The following C1QTNF7 variants were observed in gnomAD, a reference collection of about 807,000 sequenced individuals.
C1QTNF7 encodes C1q and TNF related 7.
In C1QTNF7, 15 loss-of-function variants were observed where a neutral mutation model predicts 19.6. The ratio of observed to expected loss-of-function variants is 0.76; its 90% CI spans 0.51 to 1.18. C1QTNF7 has a LOEUF of 1.18. Among genes scored for constraint, C1QTNF7 ranks in the 50% most tolerant of loss-of-function variants. The probability of loss-of-function intolerance (pLI) is 0.00; values close to 1 mark genes in which losing one functional copy is unlikely to be tolerated. For synonymous variants in C1QTNF7, 142 were observed against 137.5 expected (o/e 1.03, Z -0.23); for missense variants, 324 against 359.7 (o/e 0.90, Z 0.80).
intron 2 of C1QTNF7, among the ~76,000 whole-genome samples, chr4:15,439,071 C>A (rs1712645498): frequency 6.6e-6 from 1 of 152,158 alleles, no homozygotes. Flanking sequence ...TAAACATAGA[C>A]TAACTCTTAC....
At position 15,350,356 on chromosome 4, in the gene C1QTNF7, G is replaced by A. The variant is rs115415937; in HGVS notation, c.13+10149G>A. 2.0e-3 allele frequency among the ~76,000 whole-genome samples: 161 copies of A among 80,772 alleles called. 8 individuals carry two copies. Among genetic ancestry groups the A allele is most frequent in the African/African-American group, 8.9e-3 (152 of 17,036 alleles). 53.0% of individuals were successfully genotyped at this position (80,772 alleles called of 152,430 possible). Reference sequence around the variant, plus strand: ...GAAAGGAGGGAGGGAGGGAGGGAGGGAGGAAGGAAAAAAGAATTCTGAATT... The same window carrying A: ...GAAAGGAGGGAGGGAGGGAGGGAGGAAGGAAGGAAAAAAGAATTCTGAATT... On this transcript the variant is annotated intron_variant, in intron 1 of 2. Transcript: ENST00000295297.
At chr4:15,344,227 C>T (rs1716639967) in intron 1 of C1QTNF7, among the ~76,000 whole-genome samples, 1 of 152,190 alleles carries the variant, frequency 6.6e-6, no homozygotes. Context: ...CCTTGAATGC[C>T]AAACCACAAA....
intron 1 of C1QTNF7, among the ~76,000 whole-genome samples, chr4:15,417,422 ACTATGTTAGT>A (rs1241768733): frequency 6.6e-6 from 1 of 152,238 alleles, no homozygotes; most frequent in African/African-American, 2.4e-5. Context: ...GAAACATGTG[ACTATGTTAGT>A]CTATTCTTGC....
At chr4:15,405,398 C>T (rs1213590676) in intron 1 of C1QTNF7, among the ~76,000 whole-genome samples, 1 of 152,176 alleles carries the variant, frequency 6.6e-6, no homozygotes, top group East Asian at 1.9e-4. Context: ...GCCTTATCAG[C>T]AAGACTCCTG....
intron 1 of C1QTNF7, among the ~76,000 whole-genome samples, chr4:15,409,282 T>C (rs1719316441): frequency 6.6e-6 from 1 of 152,240 alleles, no homozygotes; most frequent in Non-Finnish European, 1.5e-5. Flanking sequence ...CACTGTATCA[T>C]GGTAGTGATG....
At chr4:15,368,534 T>A (rs1717610771) in intron 1 of C1QTNF7, among the ~76,000 whole-genome samples, 1 of 152,118 alleles carries the variant, frequency 6.6e-6, no homozygotes, top group Admixed American at 6.5e-5. Flanking sequence ...AGTGAGAACA[T>A]GCAGTGTTTG....
chr4:15,373,741 A>G (rs932361314), intron 1 of C1QTNF7: 3 of 152,192 alleles, frequency 2.0e-5, no homozygotes, highest in African/African-American at 7.2e-5. Flanking sequence ...CTTGACCTGG[A>G]TTTCCAAGGT....
intron 1 of C1QTNF7, among the ~76,000 whole-genome samples, chr4:15,347,026 T>C (rs1268859607): frequency 2.0e-5 from 3 of 152,190 alleles, no homozygotes; most frequent in African/African-American, 7.2e-5. Flanking sequence ...AACCACTTTA[T>C]TACCTACAAA....
chr4:15,340,035 C>T (rs752840739), exon 1 of C1QTNF7: 21 of 872,044 alleles, frequency 2.4e-5, no homozygotes, highest in East Asian at 5.3e-5. Flanking sequence ...CATGCTCAGA[C>T]GAGCACTTTA....
intron 1 of C1QTNF7, chr4:15,374,869 C>CT (rs36042951): frequency 0.28 from 140,925 of 504,098 alleles, 21,036 homozygotes; most frequent in African/African-American, 0.64. Context: ...CTCTCTCTCT[C>CT]TCTTTTTTTT....
At chr4:15,414,688 A>T (rs1022129608) in intron 1 of C1QTNF7, among the ~76,000 whole-genome samples, 1 of 152,144 alleles carries the variant, frequency 6.6e-6, no homozygotes, top group Admixed American at 6.5e-5. Context: ...CCTCAGTGTG[A>T]TAAGCAGAAA....
chr4:15,434,895 TTTAAA>T (rs1345471368), intron 1 of C1QTNF7, among the ~76,000 whole-genome samples: 17 of 152,266 alleles, frequency 1.1e-4, no homozygotes, highest in Admixed American at 9.2e-4. Flanking sequence ...TCCTGCAGAT[TTTAAA>T]TTAAAGTTTG....
chr4:15,390,429 T>C (rs1161643857), intron 1 of C1QTNF7, among the ~76,000 whole-genome samples: 1 of 152,194 alleles, frequency 6.6e-6, no homozygotes, highest in Non-Finnish European at 1.5e-5. Flanking sequence ...CTAGCCAAGT[T>C]AATGCAAAAA....
intron 1 of C1QTNF7, among the ~76,000 whole-genome samples, chr4:15,368,335 C>T (rs1417478016): frequency 1.3e-5 from 2 of 152,090 alleles, no homozygotes; most frequent in Non-Finnish European, 2.9e-5. Flanking sequence ...TACATGTGCA[C>T]AACTTGCAGG....
At chr4:15,431,512 A>G (rs1437997895) in intron 1 of C1QTNF7, among the ~76,000 whole-genome samples, 1 of 152,218 alleles carries the variant, frequency 6.6e-6, no homozygotes, top group Non-Finnish European at 1.5e-5. Context: ...TAATTTTAAA[A>G]TATTTTTAAA....
chr4:15,367,661 C>A (rs1433751603), intron 1 of C1QTNF7, among the ~76,000 whole-genome samples: 2 of 152,136 alleles, frequency 1.3e-5, no homozygotes, highest in Non-Finnish European at 2.9e-5. Flanking sequence ...CACCACATGG[C>A]CCTTATCTTG....
intron 1 of C1QTNF7, among the ~76,000 whole-genome samples, chr4:15,387,744 A>C (rs1047649627): frequency 1.3e-5 from 2 of 152,258 alleles, no homozygotes; most frequent in Non-Finnish European, 2.9e-5. Flanking sequence ...GTGGTAGTAT[A>C]TACAGTAATA....
chr4:15,427,954 A>T, upstream of C1QTNF7: 1 of 915,218 alleles, frequency 1.1e-6, no homozygotes, highest in Non-Finnish European at 1.3e-6. Context: ...TAAACGAGAA[A>T]ATTATTTTTA....
chr4:15,436,276 G>A (rs1349663647), intron 2 of C1QTNF7, among the ~76,000 whole-genome samples: 8 of 152,190 alleles, frequency 5.3e-5, no homozygotes, highest in African/African-American at 1.7e-4. Flanking sequence ...GGGTGGATGT[G>A]CACTGCTAGT....
Sources: allele counts gnomAD v4.1 joint callset (sites outside exome capture counted in the v4.1 genomes callset), GRCh38; gene constraint gnomAD v4.1.1; transcripts MANE v1.5; gene names NCBI Gene and HGNC (gene_info 2026-07-23, HGNC 2026-07-21).